KCTD13: variants seen among roughly 807,000 people sequenced by gnomAD.
The protein encoded by KCTD13 is potassium channel tetramerization domain containing 13.
In KCTD13, 15 loss-of-function variants were observed where a neutral mutation model predicts 32.3. The ratio of observed to expected loss-of-function variants is 0.46; its 90% CI spans 0.31 to 0.71. The LOEUF is 0.71. Ranked by LOEUF, KCTD13 falls within the 30% of genes least tolerant of loss-of-function variation. The pLI, the probability that KCTD13 is intolerant of heterozygous loss-of-function variation, is 0.05. For synonymous variants in KCTD13, 189 were observed against 200.1 expected (o/e 0.94, Z 0.47); for missense variants, 337 against 452.6 (o/e 0.74, Z 2.32).
chr16:29,912,275 G>T (rs1197764047), intron 2 of KCTD13: 1 of 577,156 alleles, frequency 1.7e-6, no homozygotes, highest in South Asian at 2.3e-5. Flanking sequence ...GCCTGCCCCG[G>T]CCACTGGCTG....
intron 2 of KCTD13, among the ~76,000 whole-genome samples, chr16:29,915,510 G>A (rs2068793787): frequency 6.6e-6 from 1 of 151,868 alleles, no homozygotes; most frequent in Non-Finnish European, 1.5e-5. Flanking sequence ...AAATTAGCTG[G>A]GCGTGGTGGT....
At chr16:29,918,575 ATTC>A (rs1174178190) in intron 2 of KCTD13, among the ~76,000 whole-genome samples, 1 of 151,618 alleles carries the variant, frequency 6.6e-6, no homozygotes, top group Non-Finnish European at 1.5e-5. Context: ...GGTTCATATA[ATTC>A]TTCTGCCTCA....
At position 29,926,199 on chromosome 16, in the gene KCTD13, A is replaced by G. The variant is rs1205237911; in HGVS notation, c.-166T>C. 8 of 789,360 alleles carry G rather than the reference A, an allele frequency of 1.0e-5. No individual in the cohort carries two copies. The highest frequency in any genetic ancestry group is 1.8e-5 in the African/African-American group (1 of 54,462). 48.9% of individuals were successfully genotyped at this position (789,360 alleles called of 1,614,324 possible). A position where few individuals can be genotyped will look rare whatever the true frequency, so the allele number is the denominator to read the frequency against. On this transcript the variant is annotated 5_prime_UTR_variant, in exon 1 of 6. Coordinates refer to ENST00000568000, the MANE Select transcript of KCTD13 (RefSeq NM_178863.5). ...CGGCCCTCCGCCCCATCTCGCTCGC[A>G]CCACCCGGAAGCCGGCGCCGGGCAG...
chr16:29,922,993 G>A (rs1472656865), intron 2 of KCTD13, 197 bp downstream of exon 2: 2 of 591,094 alleles, frequency 3.4e-6, no homozygotes, highest in South Asian at 4.4e-5. Context: ...CATTGCAAAG[G>A]TCCTGGCATG....
chr16:29,912,573 T>A (rs891003290), intron 2 of KCTD13, among the ~76,000 whole-genome samples: 1 of 152,246 alleles, frequency 6.6e-6, no homozygotes, highest in African/African-American at 2.4e-5. Flanking sequence ...CCTGAGTAGC[T>A]GGGATTACAG....
rs769495936 is a variant in KCTD13 at position 29,906,993 on chromosome 16, C to T, written c.869G>A (p.Gly290Asp). ...TTCATCCTCCCCGCGGCCAGCCCCACCAGCTCCAGCTGCTCCCCCTGTGGC... is the reference window on the plus strand; with the variant it reads ...TTCATCCTCCCCGCGGCCAGCCCCATCAGCTCCAGCTGCTCCCCCTGTGGC... ...LEATGGAAGAGGAGRGEDEEN... is the reference protein window; with the variant it reads ...LEATGGAAGADGAGRGEDEEN... Residue 290 changes from glycine (G) to aspartate (D), a missense_variant, in exon 6 of 6, where the codon GGT (glycine) becomes GAT (aspartate). Gly to Asp is a moderately conservative substitution (Grantham distance 94). Transcript: ENST00000568000. 6.2e-7 allele frequency: 1 copy of T among 1,614,178 alleles called. No individual in the cohort carries two copies. The highest frequency in any genetic ancestry group is 1.1e-5 in the South Asian group (1 of 91,088).
chr16:29,910,178 T>C (rs567713934), intron 5 of KCTD13, among the ~76,000 whole-genome samples: 46 of 150,930 alleles, frequency 3.0e-4, no homozygotes, highest in Non-Finnish European at 5.5e-4. Flanking sequence ...GGTGGGTGGA[T>C]CACGAGGTCA....
At chr16:29,908,363 T>C (rs2068648923) in intron 5 of KCTD13, among the ~76,000 whole-genome samples, 1 of 152,102 alleles carries the variant, frequency 6.6e-6, no homozygotes, top group Non-Finnish European at 1.5e-5. Context: ...CTTAGCAAAC[T>C]GTTTTTTTAA....
chr16:29,913,339 G>A (rs2068750491), intron 2 of KCTD13: 1 of 151,940 alleles, frequency 6.6e-6, no homozygotes, highest in African/African-American at 2.4e-5. Flanking sequence ...TATCAGTTCG[G>A]GCACAGAAAC....
intron 2 of KCTD13, 138 bp downstream of exon 2, chr16:29,923,052 C>A (rs1208385771): frequency 1.0e-5 from 9 of 896,868 alleles, no homozygotes; most frequent in African/African-American, 1.7e-5. Context: ...CAGAAGATGG[C>A]ACCTCAAATT....
chr16:29,908,759 GT>G (rs1254167629), intron 5 of KCTD13, among the ~76,000 whole-genome samples: 1 of 151,008 alleles, frequency 6.6e-6, no homozygotes, highest in Non-Finnish European at 1.5e-5. Flanking sequence ...CTGGAGTGCA[GT>G]GGTGTGATCA....
At chr16:29,908,400 C>A (rs938465173) in intron 5 of KCTD13, among the ~76,000 whole-genome samples, 4 of 151,632 alleles carry the variant, frequency 2.6e-5, no homozygotes, top group Non-Finnish European at 4.4e-5. Context: ...TTTATTTTTT[C>A]CTGAGACAGA....
intron 2 of KCTD13, among the ~76,000 whole-genome samples, chr16:29,916,142 C>G (rs1304828916): frequency 6.6e-6 from 1 of 152,186 alleles, no homozygotes. Flanking sequence ...TGCCGCTACA[C>G]AAGGATCTCC....
At chr16:29,924,128 C>T (rs779290768) in intron 1 of KCTD13, among the ~76,000 whole-genome samples, 2 of 149,938 alleles carry the variant, frequency 1.3e-5, no homozygotes, top group African/African-American at 2.5e-5. Flanking sequence ...GAGCCGAGAT[C>T]GTGCCATTGC....
intron 4 of KCTD13, 40 bp from the exon 5 acceptor site, chr16:29,911,213 A>C: frequency 2.0e-6 from 3 of 1,520,338 alleles, no homozygotes; most frequent in Non-Finnish European, 2.7e-6. Context: ...CGCAGTTGGC[A>C]CCCCTCCCTC....
At chr16:29,923,036 G>T in intron 2 of KCTD13, 154 bp downstream of exon 2, 1 of 765,852 alleles carries the variant, frequency 1.3e-6, no homozygotes, top group East Asian at 2.7e-5. Context: ...TGAGGCGGCA[G>T]GGATGCAGAA....
chr16:29,912,095 G>A (rs1291704602), intron 2 of KCTD13, 46 bp from the exon 3 acceptor site: 19 of 1,305,060 alleles, frequency 1.5e-5, no homozygotes, highest in African/African-American at 7.3e-5. Context: ...CAAAGGCCAC[G>A]TACTCCCCCA....
intron 5 of KCTD13, among the ~76,000 whole-genome samples, chr16:29,909,958 G>A (rs1206156974): frequency 2.0e-5 from 3 of 151,912 alleles, no homozygotes; most frequent in Non-Finnish European, 4.4e-5. Context: ...AATTAGCCGG[G>A]CATGGAGGCG....
At chr16:29,921,204 C>T (rs1272846911) in intron 2 of KCTD13, 1 of 152,088 alleles carries the variant, frequency 6.6e-6, no homozygotes, top group African/African-American at 2.4e-5. Context: ...CAGAACAATG[C>T]TTTAGCTTTT....
Sources: gnomAD v4.1 joint callset for allele counts (sites outside exome capture counted in the v4.1 genomes callset) on GRCh38, gnomAD v4.1.1 for gene constraint, MANE v1.5 for transcripts, NCBI Gene and HGNC (gene_info 2026-07-23, HGNC 2026-07-21) for gene names.